The following CSMD1 variants were observed in gnomAD, a reference collection of about 807,000 sequenced individuals.
CSMD1 encodes the protein CUB and sushi domain-containing protein 1.
A neutral mutation model predicts 417.5 loss-of-function variants in CSMD1; 213 were observed. The observed-to-expected ratio is 0.51, with a 90% CI of 0.46 to 0.57. The LOEUF (loss-of-function observed/expected upper bound fraction) is 0.57, where lower values mean the gene tolerates loss of function less well. Ranked by LOEUF, CSMD1 falls within the 20% of genes least tolerant of loss-of-function variation. CSMD1 has a pLI of 0.00. For synonymous variants in CSMD1, 2,862 were observed against 1,736.8 expected, an observed-to-expected ratio of 1.65 and a Z score of -16.11; for missense variants, 6,923 against 4,529.7, an observed-to-expected ratio of 1.53 and a Z score of -15.17.
intron 4 of CSMD1, among the ~76,000 whole-genome samples, chr8:4,023,874 C>G (rs1322350092): frequency 1.4e-5 from 2 of 147,518 alleles, no homozygotes; most frequent in Non-Finnish European, 3.0e-5. Flanking sequence ...GCCTTGGCCT[C>G]CCAAAGTGCT....
intron 3 of CSMD1, among the ~76,000 whole-genome samples, chr8:4,353,202 G>C (rs946354370): frequency 1.3e-5 from 2 of 152,160 alleles, no homozygotes; most frequent in African/African-American, 2.4e-5. Context: ...TGTGGAGCCA[G>C]GTGGAGACAA....
intron 1 of CSMD1, among the ~76,000 whole-genome samples, chr8:4,789,901 A>G (rs1397880488): frequency 3.9e-5 from 6 of 152,202 alleles, no homozygotes; most frequent in Non-Finnish European, 7.3e-5. Flanking sequence ...AATAGAATTT[A>G]GTAGTAGCCA....
chr8:4,394,244 C>G (rs1563127566), intron 3 of CSMD1, among the ~76,000 whole-genome samples: 1 of 152,068 alleles, frequency 6.6e-6, no homozygotes, highest in Non-Finnish European at 1.5e-5. Context: ...TTTATTCTTT[C>G]ATAAGAAAAC....
At chr8:3,640,475 C>G (rs1291887732) in intron 7 of CSMD1, among the ~76,000 whole-genome samples, 1 of 152,180 alleles carries the variant, frequency 6.6e-6, no homozygotes, top group Non-Finnish European at 1.5e-5. Context: ...AATAGTTGCT[C>G]AGTTTTGTCT....
At chr8:3,294,853 C>T (rs1349412572) in intron 25 of CSMD1, among the ~76,000 whole-genome samples, 1 of 152,072 alleles carries the variant, frequency 6.6e-6, no homozygotes, top group Admixed American at 6.6e-5. Flanking sequence ...TCCGACACTC[C>T]CCAGTGAGAT....
At chr8:3,980,885 T>C (rs1357266837) in intron 5 of CSMD1, among the ~76,000 whole-genome samples, 1 of 152,152 alleles carries the variant, frequency 6.6e-6, no homozygotes, top group African/African-American at 2.4e-5. Context: ...GTGGAGACTG[T>C]TTTTATTTTC....
chr8:4,579,454 G>A (rs2617065), intron 2 of CSMD1, among the ~76,000 whole-genome samples: 2 of 151,510 alleles, frequency 1.3e-5, no homozygotes, highest in Non-Finnish European at 2.9e-5. Context: ...CGCCTCCCAG[G>A]TTCAAGTAAT....
intron 5 of CSMD1, among the ~76,000 whole-genome samples, chr8:3,783,437 G>C (rs999000742): frequency 1.3e-5 from 2 of 152,218 alleles, no homozygotes; most frequent in African/African-American, 4.8e-5. Flanking sequence ...GCCCTATGCT[G>C]ATGGCAGGTC....
At chr8:4,075,043 T>A (rs972014198) in intron 3 of CSMD1, among the ~76,000 whole-genome samples, 1 of 152,184 alleles carries the variant, frequency 6.6e-6, no homozygotes, top group Non-Finnish European at 1.5e-5. Context: ...CCAGTATGAA[T>A]GATGAGTAAA....
At chr8:3,380,861 G>A (rs932544644) in intron 18 of CSMD1, among the ~76,000 whole-genome samples, 10 of 151,542 alleles carry the variant, frequency 6.6e-5, no homozygotes, top group African/African-American at 1.7e-4. Flanking sequence ...TGCACGATCC[G>A]CACATGTGTC....
intron 9 of CSMD1, among the ~76,000 whole-genome samples, chr8:3,583,236 C>G (rs774297419): frequency 1.3e-5 from 2 of 151,934 alleles, no homozygotes; most frequent in Non-Finnish European, 2.9e-5. Flanking sequence ...ATTTGCTTCT[C>G]TGCTTGAATT....
At chr8:4,823,001 G>T (rs1012778702) in intron 1 of CSMD1, among the ~76,000 whole-genome samples, 6 of 152,054 alleles carry the variant, frequency 3.9e-5, no homozygotes, top group African/African-American at 1.4e-4. Context: ...GTAATTATTT[G>T]TATTTCACAA....
intron 16 of CSMD1, among the ~76,000 whole-genome samples, chr8:3,397,939 G>A (rs1428926446): frequency 2.0e-5 from 3 of 152,144 alleles, no homozygotes; most frequent in African/African-American, 7.2e-5. Context: ...ATTTCCTTAT[G>A]CAATTCATCT....
At chr8:3,223,084 A>G (rs1798308676) in intron 28 of CSMD1, among the ~76,000 whole-genome samples, 1 of 152,218 alleles carries the variant, frequency 6.6e-6, no homozygotes, top group Admixed American at 6.5e-5. Context: ...CTAAAGTTAG[A>G]AAACATCTTT....
chr8:4,547,117 C>A (rs191460441), intron 2 of CSMD1, among the ~76,000 whole-genome samples: 1 of 152,240 alleles, frequency 6.6e-6, no homozygotes, highest in East Asian at 1.9e-4. Context: ...ATATGCATCC[C>A]CCAGACCTGT....
At chr8:3,468,273 T>C (rs1050601725) in intron 12 of CSMD1, among the ~76,000 whole-genome samples, 5 of 152,230 alleles carry the variant, frequency 3.3e-5, no homozygotes, top group African/African-American at 1.2e-4. Context: ...TCAAAAACAA[T>C]GACAGGCACA....
At chr8:3,179,103 G>C (rs528075726) in intron 37 of CSMD1, among the ~76,000 whole-genome samples, 1 of 151,356 alleles carries the variant, frequency 6.6e-6, no homozygotes, top group Non-Finnish European at 1.5e-5. Flanking sequence ...CCGCCACCAC[G>C]CCTGGCTAAT....
At chr8:4,211,863 T>C (rs181544767) in intron 3 of CSMD1, among the ~76,000 whole-genome samples, 4 of 152,318 alleles carry the variant, frequency 2.6e-5, no homozygotes, top group East Asian at 1.9e-4. Context: ...TAACTTGCTT[T>C]AATAACCCAA....
chr8:4,417,002 CAATT>C (rs1563151378), intron 3 of CSMD1, among the ~76,000 whole-genome samples: 1 of 152,010 alleles, frequency 6.6e-6, no homozygotes, highest in African/African-American at 2.4e-5. Flanking sequence ...TGTTGGTTCA[CAATT>C]AAGACTAATG....
Sources: allele counts gnomAD v4.1 joint callset (sites outside exome capture counted in the v4.1 genomes callset), GRCh38; gene constraint gnomAD v4.1.1; transcripts MANE v1.5; gene names NCBI Gene and HGNC (gene_info 2026-07-23, HGNC 2026-07-21).